The following HOMEZ variants were observed in gnomAD, a reference collection of about 807,000 sequenced individuals.
The protein encoded by HOMEZ is homeobox and leucine zipper protein Homez.
Under a neutral mutation model 50.1 loss-of-function variants are expected in HOMEZ, and 20 were observed. That is an observed-to-expected ratio of 0.40 (90% CI 0.28 to 0.58). HOMEZ has a LOEUF of 0.58. HOMEZ is among the 20% of genes least tolerant of loss of function. The pLI is 0.46. For missense variants in HOMEZ, 579 were observed against 680.5 expected (o/e 0.85, Z 1.66); for synonymous variants, 239 against 254.7 (o/e 0.94, Z 0.59).
Position 23,272,938 on chromosome 14 carries a change from T to A in HOMEZ, c.*2637A>T. ...ATACATGCTGCTGAAGGATGGACTG[T>A]AGCTTCCAGTACGCATTAGGGGTGA... is the stretch of plus-strand genomic sequence containing the variant. On this transcript the variant is annotated 3_prime_UTR_variant, in exon 2 of 2. Transcript: ENST00000357460. The A allele has an allele frequency of 8.8e-7, 1 of 1,138,810 alleles. No homozygotes were observed. The highest frequency in any genetic ancestry group is 1.5e-5 in the South Asian group (1 of 66,716). 70.5% of individuals were successfully genotyped at this position (1,138,810 alleles called of 1,614,324 possible).
Position 23,273,654 on chromosome 14 carries a change from G to T in HOMEZ, c.*1921C>A, listed in dbSNP as rs1886265600. The T allele has an allele frequency of 6.6e-6, 1 of 152,242 alleles. No individual in the cohort carries two copies. The highest frequency in any genetic ancestry group is 2.4e-5 in the African/African-American group (1 of 41,470). The allele number at this position is 152,242 out of a possible 1,614,324, so 9.4% of individuals were successfully genotyped here. ...GAAAAACAGAAAATAGCAGGCATCT[G>T]CCAGAAATAAATTAGGTCTTGGGAA... On this transcript the variant is annotated 3_prime_UTR_variant, in exon 2 of 2. Coordinates refer to ENST00000357460, the MANE Select transcript of HOMEZ (RefSeq NM_020834.3).
In HOMEZ at chr14:23,276,599, C is replaced by T. The variant is rs1208308910; in HGVS notation, c.629G>A (p.Ser210Asn). The T allele has an allele frequency of 1.2e-6, 2 of 1,613,918 alleles. No homozygotes were observed. Among genetic ancestry groups the T allele is most frequent in the African/African-American group, 2.7e-5 (2 of 74,938 alleles). The change falls in exon 2 of 2, where the codon AGT (serine) becomes AAT (asparagine). Residue 210 changes from serine to asparagine, a missense_variant. Transcript: ENST00000357460. This position sits in a 1 kb window ranked among gnomAD's most constrained non-coding sequence, Gnocchi z 4.1. The part of the protein sequence containing the change: ...KLKESLMTPG[S>N]GAFPYQSDFW... ...ATCTGATTGGTAGGGGAATGCTCCA[C>T]TGCCAGGTGTCATCAGGGACTCCTT... is the stretch of plus-strand genomic sequence containing the variant.
intron 1 of HOMEZ, chr14:23,285,609 G>C (rs746283868): frequency 1.1e-4 from 37 of 323,504 alleles, no homozygotes; most frequent in Non-Finnish European, 1.6e-4. Flanking sequence ...AGAAGGCTCC[G>C]AACTGGGTCA....
intron 1 of HOMEZ, among the ~76,000 whole-genome samples, chr14:23,280,630 A>G (rs1886469163): frequency 6.6e-6 from 1 of 151,608 alleles, no homozygotes; most frequent in Admixed American, 6.6e-5. Context: ...TGGGCACTAG[A>G]GACCCTTTAA....
chr14:23,280,057 GCCC>G (rs1288015725), intron 1 of HOMEZ, among the ~76,000 whole-genome samples: 3 of 151,984 alleles, frequency 2.0e-5, no homozygotes, highest in Admixed American at 1.3e-4. Context: ...CCTCTGCCCA[GCCC>G]CCCTTTTTTC....
intron 1 of HOMEZ, among the ~76,000 whole-genome samples, chr14:23,278,843 A>G (rs978172898): frequency 2.0e-5 from 3 of 148,936 alleles, no homozygotes; most frequent in Non-Finnish European, 4.5e-5. Flanking sequence ...GCCCTGCTAC[A>G]TTTTGTATTT....
In HOMEZ at chr14:23,273,245, T is replaced by G. The variant is rs185922791; in HGVS notation, c.*2330A>C. Reference sequence around the variant, plus strand: ...GATGGATCATATACTCATCACTGTTTCATTTCTGGATTTCATTTTTAGCTT... The same window carrying G: ...GATGGATCATATACTCATCACTGTTGCATTTCTGGATTTCATTTTTAGCTT... On this transcript the variant is annotated 3_prime_UTR_variant, in exon 2 of 2. Transcript: ENST00000357460. The G allele has an allele frequency of 5.9e-6, 1 of 168,834 alleles. No homozygotes were observed. Among genetic ancestry groups the G allele is most frequent in the Non-Finnish European group, 1.3e-5 (1 of 78,996 alleles). 10.5% of individuals were successfully genotyped at this position (168,834 alleles called of 1,614,324 possible). A position where few individuals can be genotyped will look rare whatever the true frequency, so the allele number is the denominator to read the frequency against.
Position 23,272,976 on chromosome 14 carries a change from A to G in HOMEZ, c.*2599T>C. 1.4e-6 allele frequency: 1 copy of G among 731,092 alleles called. No individual in the cohort carries two copies. The highest frequency in any genetic ancestry group is 2.2e-6 in the Non-Finnish European group (1 of 450,916). 45.3% of individuals were successfully genotyped at this position (731,092 alleles called of 1,614,324 possible). ...GCATTAGGGGTGATGGCCCTGGAAA[A>G]TGTATCCCTGCATTGTTTCCTAGTT... On this transcript the variant is annotated 3_prime_UTR_variant, in exon 2 of 2. Coordinates refer to ENST00000357460, the MANE Select transcript of HOMEZ (RefSeq NM_020834.3).
At chr14:23,279,134 C>A (rs771663614) in intron 1 of HOMEZ, among the ~76,000 whole-genome samples, 4 of 152,156 alleles carry the variant, frequency 2.6e-5, no homozygotes, top group Non-Finnish European at 4.4e-5. Flanking sequence ...CAAGCGTGCA[C>A]CATGATGCCC....
intron 1 of HOMEZ, among the ~76,000 whole-genome samples, chr14:23,280,855 C>A (rs898059302): frequency 1.3e-5 from 2 of 149,806 alleles, no homozygotes; most frequent in Non-Finnish European, 3.0e-5. Flanking sequence ...CTCACTGCAA[C>A]CTCCGCCTCC....
In HOMEZ at chr14:23,286,098, C is replaced by A; in HGVS notation, c.-146G>T. On this transcript the variant is annotated 5_prime_UTR_variant, in exon 1 of 2. Coordinates refer to ENST00000357460, the MANE Select transcript of HOMEZ (RefSeq NM_020834.3). Reference sequence around the variant, plus strand: ...GTCCCCGGGAGCGCGCCGGTCTACCCAGCCCTGCTCGAGCAAGTTGGAGGC... The same window carrying A: ...GTCCCCGGGAGCGCGCCGGTCTACCAAGCCCTGCTCGAGCAAGTTGGAGGC... The A allele has an allele frequency of 8.1e-7, 1 of 1,230,308 alleles. No homozygotes were observed. Among genetic ancestry groups the A allele is most frequent in the Non-Finnish European group, 1.0e-6 (1 of 987,118 alleles). 76.2% of individuals were successfully genotyped at this position (1,230,308 alleles called of 1,614,324 possible).
In HOMEZ at chr14:23,286,071, C is replaced by A. The variant is rs972659285; in HGVS notation, c.-119G>T. On this transcript the variant is annotated 5_prime_UTR_variant, in exon 1 of 2. Coordinates refer to ENST00000357460, the MANE Select transcript of HOMEZ (RefSeq NM_020834.3). ...GCCGAAACCGGGACTGCCCCCCCCA[C>A]CGTCCCCGGGAGCGCGCCGGTCTAC... is the stretch of plus-strand genomic sequence containing the variant. 14 of 1,230,828 alleles carry A rather than the reference C, an allele frequency of 1.1e-5. No homozygotes were observed. The African/African-American group carries it at 2.2e-4, about 19-fold the overall frequency. 76.2% of individuals were successfully genotyped at this position (1,230,828 alleles called of 1,614,324 possible).
At chr14:23,281,762 G>A (rs549089154) in intron 1 of HOMEZ, among the ~76,000 whole-genome samples, 1 of 151,152 alleles carries the variant, frequency 6.6e-6, no homozygotes, top group Non-Finnish European at 1.5e-5. Context: ...CCAGGAGTTT[G>A]AGGCCAGCCT....
intron 1 of HOMEZ, chr14:23,285,167 A>G (rs1416666865): frequency 1.3e-5 from 2 of 152,050 alleles, no homozygotes; most frequent in Non-Finnish European, 2.9e-5. Flanking sequence ...AAAATTCCCA[A>G]TCTGGCTTTT....
intron 1 of HOMEZ, among the ~76,000 whole-genome samples, chr14:23,279,988 T>A (rs1470921808): frequency 6.6e-6 from 1 of 152,102 alleles, no homozygotes; most frequent in African/African-American, 2.4e-5. Flanking sequence ...ATATTTAGAA[T>A]GTGGATCAAC....
chr14:23,280,777 T>TATTTTATTTTA (rs1566451340), intron 1 of HOMEZ, among the ~76,000 whole-genome samples: 1 of 134,628 alleles, frequency 7.4e-6, no homozygotes, highest in Non-Finnish European at 1.6e-5. Context: ...TATTTTATTT[T>TATTTTATTTTA]ATTTTATTTT....
rs1180903165 is a variant in HOMEZ at position 23,280,730 on chromosome 14, AT to A, written c.41-3544del. 4.3e-3 allele frequency among the ~76,000 whole-genome samples: 302 copies of A among 70,552 alleles called. 12 individuals carry two copies. Among genetic ancestry groups the A allele is most frequent in the African/African-American group, 0.016 (273 of 17,454 alleles). 46.3% of individuals were successfully genotyped at this position (70,552 alleles called of 152,430 possible). A position where few individuals can be genotyped will look rare whatever the true frequency, so the allele number is the denominator to read the frequency against. On this transcript the variant is annotated intron_variant, in intron 1 of 1. Coordinates refer to ENST00000357460, the MANE Select transcript of HOMEZ (RefSeq NM_020834.3). ...TTTTATTTTTATTTTATTTTATTTT[AT>A]TTTATTTTATTATTTTATTTTATTT...
chr14:23,280,785 T>TTTATTTTATTTTATTTTA (rs1304208973), intron 1 of HOMEZ, among the ~76,000 whole-genome samples: 1 of 138,148 alleles, frequency 7.2e-6, no homozygotes, highest in Non-Finnish European at 1.6e-5. Flanking sequence ...TTTATTTTAT[T>TTTATTTTATTTTATTTTA]TTATTTGGAG....
rs1886308262 is a variant in HOMEZ, at chr14:23,274,968, CAT to C, written c.*605_*606del. ...TGATTTAGTCATGAAGCGGGTGAAACATAGTCAAGTTGGTATGAGGAAAAGGA... is the reference window on the plus strand; with the variant it reads ...TGATTTAGTCATGAAGCGGGTGAAACAGTCAAGTTGGTATGAGGAAAAGGA... On this transcript the variant is annotated 3_prime_UTR_variant, in exon 2 of 2. Transcript: ENST00000357460. 6.6e-6 allele frequency: 1 copy of C among 150,896 alleles called. No homozygotes were observed. Among genetic ancestry groups the C allele is most frequent in the Non-Finnish European group, 1.5e-5 (1 of 67,932 alleles). 9.3% of individuals were successfully genotyped at this position (150,896 alleles called of 1,614,324 possible).
Sources: gnomAD v4.1 joint callset for allele counts (sites outside exome capture counted in the v4.1 genomes callset) on GRCh38, gnomAD v4.1.1 for gene constraint, Gnocchi (gnomAD v3.1) non-coding constraint, MANE v1.5 for transcripts, NCBI Gene and HGNC (gene_info 2026-07-23, HGNC 2026-07-21) for gene names.